Variants in AGAP1 observed in about 807,000 individuals in gnomAD.
AGAP1 encodes ArfGAP with GTPase domain, ankyrin repeat and PH domain 1, also known as arf-GAP with GTPase, ANK repeat and PH domain-containing protein 1.
AGAP1 carries 29 observed loss-of-function variants against 105.3 expected under a neutral mutation model. The observed-to-expected ratio is 0.28, with a 90% CI of 0.21 to 0.38. The LOEUF is 0.38. AGAP1 is among the 10% of genes least tolerant of loss of function. The pLI, the probability that AGAP1 is intolerant of heterozygous loss-of-function variation, is 1.00. For synonymous variants in AGAP1, 509 were observed against 485.9 expected, an observed-to-expected ratio of 1.05 and a Z score of -0.63; for missense variants, 998 against 1,165.1, an observed-to-expected ratio of 0.86 and a Z score of 2.09.
chr2:235,798,567 G>T (rs1957348874), intron 7 of AGAP1, among the ~76,000 whole-genome samples: 1 of 152,106 alleles, frequency 6.6e-6, no homozygotes, highest in African/African-American at 2.4e-5. Flanking sequence ...GTCAGAGCCT[G>T]TCAAGGTACA....
chr2:235,800,231 TG>T (rs1362542891), intron 8 of AGAP1, among the ~76,000 whole-genome samples: 2 of 151,688 alleles, frequency 1.3e-5, no homozygotes, highest in Non-Finnish European at 2.9e-5. Flanking sequence ...TCTAAGTAGC[TG>T]GGACCATAGG....
At position 235,964,747 on chromosome 2, in the gene AGAP1, C is replaced by G. The variant is rs1445333653; in HGVS notation, c.1484-3715C>G. ...ATTTCAGAAATACATATAAGAACCA[C>G]TACTTTAGAAATATCAGTATTGTAA... On this transcript the variant is annotated intron_variant, in intron 12 of 17. Coordinates refer to ENST00000304032, the MANE Select transcript of AGAP1 (RefSeq NM_001037131.3). This position sits in a 1 kb window ranked among gnomAD's most constrained non-coding sequence, Gnocchi z 4.6. Among the ~76,000 whole-genome samples the G allele has an allele frequency of 6.6e-6, 1 of 152,084 alleles. No individual in the cohort carries two copies. The highest frequency in any genetic ancestry group is 2.4e-5 in the African/African-American group (1 of 41,378).
intron 1 of AGAP1, among the ~76,000 whole-genome samples, chr2:235,699,079 C>A (rs973724764): frequency 6.7e-6 from 1 of 149,848 alleles, no homozygotes; most frequent in African/African-American, 2.5e-5. Flanking sequence ...TCCCCCCCCC[C>A]CACCCCACCT....
At chr2:235,523,847 T>C (rs1942722682) in intron 1 of AGAP1, among the ~76,000 whole-genome samples, 1 of 149,284 alleles carries the variant, frequency 6.7e-6, no homozygotes, top group South Asian at 2.1e-4. Flanking sequence ...AGGGGGACGG[T>C]GGTCTTGGAT....
rs1948104556 is a variant in AGAP1, at chr2:235,665,703, A to G, written c.164-43476A>G. Among the ~76,000 whole-genome samples, 1 of 151,780 alleles carries G rather than the reference A, an allele frequency of 6.6e-6. No individual in the cohort carries two copies. Among genetic ancestry groups the G allele is most frequent in the Non-Finnish European group, 1.5e-5 (1 of 67,920 alleles). ...CCAGAAAATAGCCTTTGATGTACCC[A>G]CGGAGGGGCTCTTGGTGGGCTCCCG... On this transcript the variant is annotated intron_variant, in intron 1 of 17. Transcript: ENST00000304032. This position sits in a 1 kb window ranked among gnomAD's most constrained non-coding sequence, Gnocchi z 5.3.
rs975271315 is a variant in AGAP1 at position 236,114,313 on chromosome 2, A to G, written c.2115-5879A>G. ...TGACCATTTGAGTCTGTGTGCTTTG[A>G]CATCATGGCTTCTTAGGGCAAATGC... On this transcript the variant is annotated intron_variant, in intron 16 of 17. Transcript: ENST00000304032. This position sits in a 1 kb window ranked among gnomAD's most constrained non-coding sequence, Gnocchi z 5.0. Among the ~76,000 whole-genome samples, 1 of 152,158 alleles carries G rather than the reference A, an allele frequency of 6.6e-6. No individual in the cohort carries two copies. Among genetic ancestry groups the G allele is most frequent in the African/African-American group, 2.4e-5 (1 of 41,438 alleles).
chr2:235,589,675 TG>T (rs1241679190), intron 1 of AGAP1, among the ~76,000 whole-genome samples: 1 of 151,996 alleles, frequency 6.6e-6, no homozygotes, highest in African/African-American at 2.4e-5. Context: ...AATGAAACCC[TG>T]TCTCAAAAAA....
rs769429462 is a variant in AGAP1 at position 236,058,479 on chromosome 2, T to C, written c.2114+9198T>C. ...AATACAGTAAAGAGAGAAGAAAACATAATCTTTTCAAGGGATACAGAAAAT... is the reference window on the plus strand; with the variant it reads ...AATACAGTAAAGAGAGAAGAAAACACAATCTTTTCAAGGGATACAGAAAAT... On this transcript the variant is annotated intron_variant, in intron 16 of 17. Coordinates refer to ENST00000304032, the MANE Select transcript of AGAP1 (RefSeq NM_001037131.3). The surrounding 1 kb of genome is among the most constrained non-coding windows in gnomAD (Gnocchi z 4.6). Among the ~76,000 whole-genome samples the C allele has an allele frequency of 6.6e-6, 1 of 152,140 alleles. No individual in the cohort carries two copies. Among genetic ancestry groups the C allele is most frequent in the East Asian group, 1.9e-4 (1 of 5,192 alleles).
At chr2:235,758,323 C>T (rs73996352) in intron 6 of AGAP1, among the ~76,000 whole-genome samples, 2,360 of 152,200 alleles carry the variant, frequency 0.016, 56 homozygotes, top group African/African-American at 0.051. Context: ...AATAATTATG[C>T]AACAATTTAA....
At chr2:235,521,332 A>T (rs938426644) in intron 1 of AGAP1, among the ~76,000 whole-genome samples, 3 of 152,220 alleles carry the variant, frequency 2.0e-5, no homozygotes, top group Non-Finnish European at 2.9e-5. Context: ...TTATATAACT[A>T]GTTAACATAT....
At position 235,792,328 on chromosome 2, in the gene AGAP1, G is replaced by A. The variant is rs1167197572; in HGVS notation, c.674-5431G>A. Among the ~76,000 whole-genome samples, 1 of 152,128 alleles carries A rather than the reference G, an allele frequency of 6.6e-6. No individual in the cohort carries two copies. Among genetic ancestry groups the A allele is most frequent in the Non-Finnish European group, 1.5e-5 (1 of 68,028 alleles). On this transcript the variant is annotated intron_variant, in intron 6 of 17. Transcript: ENST00000304032. The surrounding 1 kb of genome is among the most constrained non-coding windows in gnomAD (Gnocchi z 5.3). ...GGTCCCCCACAAAGCTTTTGCATGG[G>A]GTTCATCTGCCTATTCCAGGAGAGA...
At chr2:235,772,353 C>G (rs1955527650) in intron 6 of AGAP1, among the ~76,000 whole-genome samples, 1 of 152,132 alleles carries the variant, frequency 6.6e-6, no homozygotes, top group Admixed American at 6.5e-5. Flanking sequence ...TTATGACAGA[C>G]CACACTGAGA....
chr2:235,876,508 T>G (rs1264608263), intron 9 of AGAP1, among the ~76,000 whole-genome samples: 1 of 152,206 alleles, frequency 6.6e-6, no homozygotes, highest in Non-Finnish European at 1.5e-5. Context: ...TCCTTGAACG[T>G]GGAACCTCAA....
intron 16 of AGAP1, among the ~76,000 whole-genome samples, chr2:236,107,065 C>T (rs1427357917): frequency 2.0e-5 from 3 of 152,196 alleles, no homozygotes; most frequent in Non-Finnish European, 2.9e-5. Flanking sequence ...TCTCTGTTCC[C>T]GAGGTTGCAG....
intron 16 of AGAP1, among the ~76,000 whole-genome samples, chr2:236,067,749 T>G (rs1426014384): frequency 6.6e-6 from 1 of 152,200 alleles, no homozygotes; most frequent in African/African-American, 2.4e-5. Flanking sequence ...GTTCCGCACA[T>G]CCTTTCCAGT....
chr2:236,078,836 C>A lies in AGAP1; in HGVS notation c.2114+29555C>A, dbSNP rs2125827005. Among the ~76,000 whole-genome samples, 1 of 152,310 alleles carries A rather than the reference C, an allele frequency of 6.6e-6. No homozygotes were observed. On this transcript the variant is annotated intron_variant, in intron 16 of 17. Coordinates refer to ENST00000304032, the MANE Select transcript of AGAP1 (RefSeq NM_001037131.3). This position sits in a 1 kb window ranked among gnomAD's most constrained non-coding sequence, Gnocchi z 5.3. ...CACCCTCCTACCCCTGCAGCGGCCC[C>A]ATCCCACGTGGTTAAGTGGGTGGCC...
chr2:235,790,583 AC>A (rs535086361), intron 6 of AGAP1, among the ~76,000 whole-genome samples: 27 of 152,050 alleles, frequency 1.8e-4, no homozygotes, highest in Non-Finnish European at 5.9e-5. Context: ...AATTTGAATA[AC>A]CCCCCATTGC....
intron 9 of AGAP1, among the ~76,000 whole-genome samples, chr2:235,813,540 G>C (rs142828325): frequency 6.6e-6 from 1 of 152,204 alleles, no homozygotes; most frequent in African/African-American, 2.4e-5. Flanking sequence ...TCACTTCTTC[G>C]GTGTCCCGCA....
At chr2:235,524,407 T>C in intron 1 of AGAP1, 1 of 221,116 alleles carries the variant, frequency 4.5e-6, no homozygotes. Context: ...TGTGATATTT[T>C]TGCACAGCCT....
Sources: allele counts gnomAD v4.1 joint callset (sites outside exome capture counted in the v4.1 genomes callset), GRCh38; gene constraint gnomAD v4.1.1; non-coding constraint Gnocchi (gnomAD v3.1); transcripts MANE v1.5; gene names NCBI Gene and HGNC (gene_info 2026-07-23, HGNC 2026-07-21).